Variants in AGBL3 observed in about 807,000 individuals in gnomAD.
AGBL3 encodes cytosolic carboxypeptidase 3.
Under a neutral mutation model 94.5 loss-of-function variants are expected in AGBL3, and 68 were observed. That is an observed-to-expected ratio of 0.72 (90% CI 0.59 to 0.88). The LOEUF (loss-of-function observed/expected upper bound fraction) is 0.88. AGBL3 is among the 40% of genes least tolerant of loss of function. The probability of loss-of-function intolerance (pLI) is 0.00; values close to 1 mark genes in which losing one functional copy is unlikely to be tolerated. For synonymous variants in AGBL3, 354 were observed against 370.7 expected, an observed-to-expected ratio of 0.95 and a Z score of 0.52; for missense variants, 934 against 1,103.8, an observed-to-expected ratio of 0.85 and a Z score of 2.18.
intron 15 of AGBL3, among the ~76,000 whole-genome samples, chr7:135,084,261 AT>A (rs1821154522): frequency 6.6e-6 from 1 of 152,156 alleles, no homozygotes; most frequent in African/African-American, 2.4e-5. Context: ...ACAGTGTGAT[AT>A]TTTGATACAT....
chr7:135,116,678 T>C (rs1209067116), intron 16 of AGBL3, among the ~76,000 whole-genome samples: 1 of 152,196 alleles, frequency 6.6e-6, no homozygotes, highest in East Asian at 1.9e-4. Flanking sequence ...GACTCCACCC[T>C]AGCAGAGGTT....
intron 4 of AGBL3, among the ~76,000 whole-genome samples, chr7:134,997,593 A>C (rs1390922763): frequency 6.6e-6 from 1 of 152,300 alleles, no homozygotes; most frequent in Admixed American, 6.5e-5. Context: ...CCAGGGGTCA[A>C]AATTGATACT....
At chr7:135,051,093 C>A in intron 11 of AGBL3, 1 of 416,570 alleles carries the variant, frequency 2.4e-6, no homozygotes, top group Non-Finnish European at 4.7e-6. Flanking sequence ...CTGGAAAATT[C>A]AATGCCACAG....
chr7:135,050,653 A>C (rs1817789959), intron 11 of AGBL3, among the ~76,000 whole-genome samples: 1 of 151,946 alleles, frequency 6.6e-6, no homozygotes, highest in African/African-American at 2.4e-5. Context: ...CCCTTTTATC[A>C]TTACATAATA....
chr7:135,129,310 C>T (rs2094237440), intron 16 of AGBL3: 4 of 1,431,622 alleles, frequency 2.8e-6, no homozygotes, highest in African/African-American at 2.8e-5. Flanking sequence ...CATGGGGTCT[C>T]TCCATGTAAG....
intron 16 of AGBL3, among the ~76,000 whole-genome samples, chr7:135,133,058 C>T (rs972969541): frequency 4.2e-4 from 52 of 123,222 alleles, no homozygotes; most frequent in Middle Eastern, 4.4e-3. Flanking sequence ...CACACACGCA[C>T]GCATGCGTGC....
At chr7:135,032,471 ATTTT>A (rs375307379) in intron 5 of AGBL3, among the ~76,000 whole-genome samples, 1 of 134,390 alleles carries the variant, frequency 7.4e-6, no homozygotes, top group Non-Finnish European at 1.6e-5. Context: ...CACCTGGCTA[ATTTT>A]TTTTTTTTTT....
At chr7:135,055,200 A>G (rs1386067483) in intron 11 of AGBL3, among the ~76,000 whole-genome samples, 2 of 152,162 alleles carry the variant, frequency 1.3e-5, no homozygotes, top group African/African-American at 4.8e-5. Context: ...CCTACCTCCC[A>G]ACACTGGCAC....
intron 16 of AGBL3, among the ~76,000 whole-genome samples, chr7:135,125,634 G>A (rs1450363090): frequency 6.6e-6 from 1 of 152,124 alleles, no homozygotes; most frequent in East Asian, 1.9e-4. Context: ...ACATCAATAC[G>A]AAAATCCTCA....
intron 4 of AGBL3, among the ~76,000 whole-genome samples, chr7:134,999,667 A>C (rs1584775838): frequency 6.6e-6 from 1 of 152,202 alleles, no homozygotes; most frequent in South Asian, 2.1e-4. Flanking sequence ...GGTGCCCCAC[A>C]TGGGGCATCT....
At chr7:135,066,347 CAT>C (rs1369953265) in intron 12 of AGBL3, among the ~76,000 whole-genome samples, 4 of 152,146 alleles carry the variant, frequency 2.6e-5, no homozygotes, top group Non-Finnish European at 1.5e-5. Context: ...CCAAGGAAGA[CAT>C]ATAAATGGCC....
chr7:135,117,624 A>G (rs1826514351), intron 16 of AGBL3, among the ~76,000 whole-genome samples: 1 of 152,262 alleles, frequency 6.6e-6, no homozygotes, highest in Admixed American at 6.5e-5. Context: ...GCCATAAAGA[A>G]CTAAGTTGTA....
At position 135,115,491 on chromosome 7, in the gene AGBL3, T is replaced by G; in HGVS notation, c.2222T>G (p.Ile741Arg). The change falls in exon 16 of 17, where the codon ATA (isoleucine) becomes AGA (arginine). Residue 741 changes from isoleucine (I) to arginine (R), a missense_variant. Physicochemically the swap from Ile to Arg is moderately conservative, Grantham distance 97 (BLOSUM62 -3). This residue lies in a region of AGBL3 where 441 missense variants were observed against 518.2 expected (regional missense o/e 0.85). Transcript: ENST00000436302. ...AAAAGAAGCTACAAGGATAAAGGAA[T>G]AGTTCAAACTCAAGAAATATTGCAG... ...DEKRSYKDKG[I>R]VQTQEILQYL... 1 of 1,551,378 alleles carries G rather than the reference T, an allele frequency of 6.4e-7. No homozygotes were observed.
intron 15 of AGBL3, among the ~76,000 whole-genome samples, chr7:135,108,665 A>G (rs1423046940): frequency 2.0e-5 from 3 of 151,916 alleles, no homozygotes; most frequent in African/African-American, 7.3e-5. Context: ...TCTGATGTTT[A>G]TGTGTCTTGG....
At chr7:135,023,929 G>C (rs1360637840) in intron 5 of AGBL3, among the ~76,000 whole-genome samples, 2 of 152,254 alleles carry the variant, frequency 1.3e-5, no homozygotes, top group Non-Finnish European at 2.9e-5. Context: ...ACCCCAAGGG[G>C]CCAGATGGAG....
chr7:135,129,278 T>C (rs886933598), intron 16 of AGBL3: 32 of 1,515,280 alleles, frequency 2.1e-5, no homozygotes, highest in Admixed American at 1.2e-4. Flanking sequence ...TTGCCTTCTG[T>C]ACCTTGTGCA....
intron 5 of AGBL3, among the ~76,000 whole-genome samples, chr7:135,023,801 G>A (rs1045866036): frequency 1.3e-5 from 2 of 152,228 alleles, no homozygotes; most frequent in Non-Finnish European, 2.9e-5. Context: ...TGCTCCTGCA[G>A]GAGCATGTGC....
rs1824835563 is a variant in AGBL3 at position 135,107,072 on chromosome 7, T to G, written c.2111-8308T>G. Among the ~76,000 whole-genome samples, 2 of 152,336 alleles carry G rather than the reference T, an allele frequency of 1.3e-5. 1 individual carries two copies. Among genetic ancestry groups the G allele is most frequent in the South Asian group, 4.1e-4 (2 of 4,834 alleles). On this transcript the variant is annotated intron_variant, in intron 15 of 16. Coordinates refer to ENST00000436302, the MANE Select transcript of AGBL3 (RefSeq NM_178563.4). ...GTGGTAACATCCCCTTTGTCATTCC[T>G]TATTGTGATTCTTTGGATCTTCTCT...
chr7:135,081,803 G>A lies in AGBL3; in HGVS notation c.2110+13G>A, dbSNP rs904463270. 4 of 1,503,504 alleles carry A rather than the reference G, an allele frequency of 2.7e-6. No individual in the cohort carries two copies. Among genetic ancestry groups the A allele is most frequent in the Non-Finnish European group, 3.6e-6 (4 of 1,108,256 alleles). 93.1% of individuals were successfully genotyped at this position (1,503,504 alleles called of 1,614,324 possible). On this transcript the variant is annotated intron_variant, in intron 15 of 16. Coordinates refer to ENST00000436302, the MANE Select transcript of AGBL3 (RefSeq NM_178563.4). ...AATCAAGGTTTGGGTGAGTAAAATA[G>A]GAACACAGACAGTAATGAGTGGTCC...
Sources: allele counts gnomAD v4.1 joint callset (sites outside exome capture counted in the v4.1 genomes callset), GRCh38; gene constraint gnomAD v4.1.1; regional missense constraint gnomAD v4.1.1; transcripts MANE v1.5; gene names NCBI Gene and HGNC (gene_info 2026-07-23, HGNC 2026-07-21).